PCDHGB3: variants seen among roughly 807,000 people sequenced by gnomAD.
The protein encoded by PCDHGB3 is protocadherin gamma-B3.
PCDHGB3 carries 40 observed loss-of-function variants against 59.2 expected under a neutral mutation model. That is an observed-to-expected ratio of 0.68 (90% confidence interval 0.52 to 0.88). The LOEUF (loss-of-function observed/expected upper bound fraction) is 0.88. Ranked by LOEUF, PCDHGB3 falls within the 40% of genes least tolerant of loss-of-function variation. The probability of loss-of-function intolerance (pLI) is 0.00; values close to 1 mark genes in which losing one functional copy is unlikely to be tolerated. For synonymous variants in PCDHGB3, 581 were observed against 503.6 expected (o/e 1.15, Z -2.06); for missense variants, 1,309 against 1,187.9 (o/e 1.10, Z -1.50).
At chr5:141,464,251 C>G (rs1438610569) in intron 1 of PCDHGB3, among the ~76,000 whole-genome samples, 1 of 141,396 alleles carries the variant, frequency 7.1e-6, no homozygotes, top group African/African-American at 2.7e-5. Context: ...GGCTACAGAG[C>G]GAGACTCCGT....
intron 1 of PCDHGB3, chr5:141,416,335 C>A (rs573998059): frequency 6.6e-6 from 1 of 152,256 alleles, no homozygotes; most frequent in Non-Finnish European, 1.5e-5. Flanking sequence ...ACTTTCATTG[C>A]TCAATAGGGA....
rs1366946720 is a variant in PCDHGB3, at chr5:141,372,710, T to C, written c.2316T>C (p.Ala772=). The C allele has an allele frequency of 6.2e-7, 1 of 1,613,996 alleles. No individual in the cohort carries two copies. Among genetic ancestry groups the C allele is most frequent in the Admixed American group, 1.7e-5 (1 of 60,024 alleles). Residue 772 remains alanine (A), a synonymous_variant, in exon 1 of 4, where the codon GCT becomes GCC. Coordinates refer to ENST00000576222, the MANE Select transcript of PCDHGB3 (RefSeq NM_018924.5). ...NTEFKFLNIK[A]ENAAPQDLLC... ...AGTTTAAATTTCTCAATATAAAGGC[T>C]GAAAATGCTGCACCACAAGATCTTC...
intron 1 of PCDHGB3, chr5:141,396,659 A>G (rs2093416733): frequency 6.6e-6 from 1 of 151,984 alleles, no homozygotes; most frequent in African/African-American, 2.4e-5. Context: ...AAAACTCGGT[A>G]TAGGCTATCC....
At chr5:141,409,559 G>A (rs1421541308) in intron 1 of PCDHGB3, 1 of 1,613,936 alleles carries the variant, frequency 6.2e-7, no homozygotes, top group Admixed American at 1.7e-5. Context: ...CCCAGTTTTC[G>A]ACCAGACGTC....
At chr5:141,404,816 C>A in intron 1 of PCDHGB3, 1 of 1,610,374 alleles carries the variant, frequency 6.2e-7, no homozygotes, top group Non-Finnish European at 8.5e-7. Flanking sequence ...GGTGGGGCTG[C>A]ACACAGGTGA....
chr5:141,441,825 C>A, intron 1 of PCDHGB3: 1 of 357,252 alleles, frequency 2.8e-6, no homozygotes, highest in Non-Finnish European at 5.5e-6. Flanking sequence ...CTCTGGAGCG[C>A]AATGGCTTCG....
intron 1 of PCDHGB3, chr5:141,377,207 A>G (rs1170353646): frequency 6.6e-6 from 1 of 152,122 alleles, no homozygotes; most frequent in Non-Finnish European, 1.5e-5. Context: ...GATTGAGTAC[A>G]TCTCGTTTCT....
intron 1 of PCDHGB3, among the ~76,000 whole-genome samples, chr5:141,381,193 T>C (rs1052848234): frequency 2.6e-5 from 4 of 152,260 alleles, no homozygotes; most frequent in African/African-American, 9.6e-5. Context: ...TAAGCTTTCT[T>C]AGTGTTAGTT....
At chr5:141,498,194 T>C (rs1014641829) in intron 2 of PCDHGB3, among the ~76,000 whole-genome samples, 16 of 152,254 alleles carry the variant, frequency 1.1e-4, no homozygotes, top group African/African-American at 3.6e-4. Context: ...ATTAACCAGC[T>C]AAAGAAAAGA....
rs377389968 is a variant in PCDHGB3, at chr5:141,404,840, C to T, written c.2415+32031C>T. On this transcript the variant is annotated intron_variant, in intron 1 of 3. Coordinates refer to ENST00000576222, the MANE Select transcript of PCDHGB3 (RefSeq NM_018924.5). Reference sequence around the variant, plus strand: ...GCACACAGGTGAAGTGCGCACAGCTCGGGCCCTGCTAGATAGAGATGCGCT... The same window carrying T: ...GCACACAGGTGAAGTGCGCACAGCTTGGGCCCTGCTAGATAGAGATGCGCT... 3.5e-5 allele frequency: 57 copies of T among 1,613,700 alleles called. No individual in the cohort carries two copies. The African/African-American group carries it at 6.3e-4, about 18-fold the overall frequency.
intron 1 of PCDHGB3, chr5:141,430,691 G>A (rs1479214920): frequency 7.1e-7 from 1 of 1,416,592 alleles, no homozygotes; most frequent in Non-Finnish European, 9.4e-7. Context: ...CCATTCTATG[G>A]GCGAAGGAAC....
chr5:141,408,316 G>A (rs1407149479), intron 1 of PCDHGB3: 3 of 1,613,750 alleles, frequency 1.9e-6, no homozygotes, highest in African/African-American at 1.3e-5. Context: ...ACTCGATTCC[G>A]GAGGAGCTGG....
intron 1 of PCDHGB3, chr5:141,375,888 C>T (rs1049224011): frequency 6.2e-7 from 1 of 1,613,700 alleles, no homozygotes; most frequent in Non-Finnish European, 8.5e-7. Flanking sequence ...GGCCAGAACG[C>T]CTGGCTGTCC....
intron 1 of PCDHGB3, chr5:141,412,334 T>C (rs371361193): frequency 2.0e-5 from 3 of 152,262 alleles, no homozygotes; most frequent in Admixed American, 1.3e-4. Flanking sequence ...GCAACTGTAA[T>C]ATATGTTCAT....
At chr5:141,420,733 A>T (rs989644819) in intron 1 of PCDHGB3, among the ~76,000 whole-genome samples, 1 of 152,250 alleles carries the variant, frequency 6.6e-6, no homozygotes, top group African/African-American at 2.4e-5. Flanking sequence ...GTCGGTTAAA[A>T]TCAATTGGAA....
chr5:141,425,794 G>A (rs915736198), intron 1 of PCDHGB3, among the ~76,000 whole-genome samples: 23 of 152,074 alleles, frequency 1.5e-4, no homozygotes, highest in Non-Finnish European at 2.2e-4. Context: ...CTTCCAATAT[G>A]TGCATTGCTT....
rs1488305057 is a variant in PCDHGB3, at chr5:141,477,736, C to G, written c.2416-17071C>G. 6.2e-7 allele frequency: 1 copy of G among 1,613,790 alleles called. No homozygotes were observed. The highest frequency in any genetic ancestry group is 1.1e-5 in the South Asian group (1 of 91,088). On this transcript the variant is annotated intron_variant, in intron 1 of 3. Coordinates refer to ENST00000576222, the MANE Select transcript of PCDHGB3 (RefSeq NM_018924.5). This position sits in a 1 kb window ranked among gnomAD's most constrained non-coding sequence, Gnocchi z 4.9. ...AATTTGAATTAACAGCTCATATCAG[C>G]GATGGGGGCACCCCGGTCCTAGCCA...
chr5:141,392,968 T>C (rs748824740), intron 1 of PCDHGB3: 1 of 1,613,910 alleles, frequency 6.2e-7, no homozygotes, highest in Non-Finnish European at 8.5e-7. Context: ...TCCAAGGACC[T>C]GGGGCTGGAC....
chr5:141,376,027 C>A (rs750383085), intron 1 of PCDHGB3: 30 of 1,613,250 alleles, frequency 1.9e-5, no homozygotes, highest in Non-Finnish European at 2.5e-5. Context: ...CCGTCCAGGA[C>A]CACGGCCAGC....
Sources: allele counts gnomAD v4.1 joint callset (sites outside exome capture counted in the v4.1 genomes callset), GRCh38; gene constraint gnomAD v4.1.1; non-coding constraint Gnocchi (gnomAD v3.1); transcripts MANE v1.5; gene names NCBI Gene and HGNC (gene_info 2026-07-23, HGNC 2026-07-21).